The following MPDZ variants were observed in gnomAD, a reference collection of about 807,000 sequenced individuals.
The protein encoded by MPDZ is multiple PDZ domain crumbs cell polarity complex component.
Under a neutral mutation model 239.1 loss-of-function variants are expected in MPDZ, and 234 were observed. That is an observed-to-expected ratio of 0.98 (90% CI 0.88 to 1.09). The LOEUF is 1.09. MPDZ is among the 50% of genes least tolerant of loss of function. MPDZ has a pLI of 0.00. For missense variants in MPDZ, 3,175 were observed against 2,510.0 expected, an observed-to-expected ratio of 1.26 and a Z score of -5.66; for synonymous variants, 1,048 against 881.3, an observed-to-expected ratio of 1.19 and a Z score of -3.35.
intron 38 of MPDZ, among the ~76,000 whole-genome samples, chr9:13,121,037 T>A (rs1944264811): frequency 6.6e-6 from 1 of 152,234 alleles, no homozygotes; most frequent in African/African-American, 2.4e-5. Flanking sequence ...CACTTATAAA[T>A]GAGTTTGTTA....
Position 13,157,075 on chromosome 9 carries a change from C to T in MPDZ, c.3452+943G>A, listed in dbSNP as rs541484684. On this transcript the variant is annotated intron_variant, in intron 24 of 46. Transcript: ENST00000319217. Reference sequence around the variant, plus strand: ...TTTTAAAAATATTTAAATGTGATGGCTGCAGGTTATCACTGGTGGGCAGGG... The same window carrying T: ...TTTTAAAAATATTTAAATGTGATGGTTGCAGGTTATCACTGGTGGGCAGGG... 2.6e-5 allele frequency among the ~76,000 whole-genome samples: 4 copies of T among 152,240 alleles called. No homozygotes were observed. In the East Asian group the frequency reaches 7.7e-4, roughly 29 times the overall value.
At chr9:13,245,635 CAT>C (rs1377320986) in intron 3 of MPDZ, among the ~76,000 whole-genome samples, 2 of 152,126 alleles carry the variant, frequency 1.3e-5, no homozygotes, top group African/African-American at 4.8e-5. Flanking sequence ...AGACATGTCT[CAT>C]AGAATTCACA....
intron 19 of MPDZ, among the ~76,000 whole-genome samples, chr9:13,179,716 T>TC (rs1208711055): frequency 1.6e-4 from 25 of 152,298 alleles, no homozygotes; most frequent in African/African-American, 5.5e-4. Flanking sequence ...TATATTCTTG[T>TC]CCTCAGTAAA....
intron 3 of MPDZ, among the ~76,000 whole-genome samples, chr9:13,240,580 TAAAAAAAA>T (rs71331533): frequency 2.7e-4 from 12 of 44,010 alleles, no homozygotes; most frequent in Non-Finnish European, 3.9e-4. Context: ...ATAATAAAAG[TAAAAAAAA>T]AAAAAAAAAA....
chr9:13,244,251 T>C (rs566835157), intron 3 of MPDZ, among the ~76,000 whole-genome samples: 1 of 152,264 alleles, frequency 6.6e-6, no homozygotes, highest in African/African-American at 2.4e-5. Flanking sequence ...TCCAATATCC[T>C]CAAGGCTGAC....
In MPDZ at chr9:13,126,781, G is replaced by C; in HGVS notation, c.4465-9C>G. 6.2e-7 allele frequency: 1 copy of C among 1,610,576 alleles called. No individual in the cohort carries two copies. Among genetic ancestry groups the C allele is most frequent in the African/African-American group, 1.3e-5 (1 of 74,904 alleles). On this transcript the variant is annotated splice_polypyrimidine_tract_variant and intron_variant, in intron 32 of 46. Transcript: ENST00000319217. ...CCCAAACCCCCCTGATCCTAGAAAA[G>C]TAAAAACAAAAATGCTCAGAAGACT...
intron 13 of MPDZ, among the ~76,000 whole-genome samples, chr9:13,194,082 T>C (rs1019090989): frequency 2.8e-4 from 43 of 152,248 alleles, no homozygotes; most frequent in African/African-American, 9.9e-4. Context: ...CCTGAGAATG[T>C]CCCATCCAAT....
intron 39 of MPDZ, among the ~76,000 whole-genome samples, chr9:13,117,217 G>C (rs1004632772): frequency 1.3e-5 from 2 of 152,026 alleles, no homozygotes; most frequent in Non-Finnish European, 2.9e-5. Flanking sequence ...TGAAACCACA[G>C]GAAGAGAAAC....
intron 1 of MPDZ, among the ~76,000 whole-genome samples, chr9:13,263,386 T>C (rs901868957): frequency 6.6e-6 from 1 of 150,674 alleles, no homozygotes; most frequent in Non-Finnish European, 1.5e-5. Flanking sequence ...CTCCTTGTCC[T>C]TGTTTGGCAA....
intron 24 of MPDZ, among the ~76,000 whole-genome samples, chr9:13,155,618 G>A (rs540108774): frequency 6.6e-6 from 1 of 152,128 alleles, no homozygotes; most frequent in South Asian, 2.1e-4. Context: ...AAAATCACAT[G>A]CAAAATAAAA....
At position 13,109,883 on chromosome 9, in the gene MPDZ, A is replaced by G. The variant is rs1032623009; in HGVS notation, c.5942+69T>C. On this transcript the variant is annotated intron_variant, in intron 45 of 46. Transcript: ENST00000319217. ...TAATTCCTAGAAACATGGGACAGAG[A>G]ACGCAACTGTCAGGAAGACTTGATT... 2.5e-6 allele frequency: 3 copies of G among 1,209,984 alleles called. No individual in the cohort carries two copies. The African/African-American group carries it at 4.5e-5, about 18-fold the overall frequency. 75.0% of individuals were successfully genotyped at this position (1,209,984 alleles called of 1,614,324 possible).
intron 1 of MPDZ, among the ~76,000 whole-genome samples, chr9:13,257,567 G>A (rs1969733033): frequency 6.6e-6 from 1 of 152,166 alleles, no homozygotes; most frequent in Non-Finnish European, 1.5e-5. Context: ...AAGAAGAGGA[G>A]GGTAATTGCT....
In MPDZ at chr9:13,106,088, A is replaced by G. The variant is rs536299864; in HGVS notation, c.*877T>C. 2 of 152,308 alleles carry G rather than the reference A, an allele frequency of 1.3e-5. No individual in the cohort carries two copies. Among genetic ancestry groups the G allele is most frequent in the East Asian group, 3.9e-4 (2 of 5,188 alleles). 9.4% of individuals were successfully genotyped at this position (152,308 alleles called of 1,614,324 possible). On this transcript the variant is annotated 3_prime_UTR_variant, in exon 47 of 47. Transcript: ENST00000319217. ...AATATGAATTGAAAACCAATTGCAC[A>G]GCACACTAACACATTTTTAATGTTG...
In MPDZ at chr9:13,147,533, T is replaced by G; in HGVS notation, c.3741+15A>C. On this transcript the variant is annotated intron_variant, in intron 26 of 46. Transcript: ENST00000319217. ...CTGTTTGGATATGCCTACCTTGCCC[T>G]TTGTGTTCGCTTACCCTTGGTCTGT... is the stretch of plus-strand genomic sequence containing the variant. 1.3e-6 allele frequency: 2 copies of G among 1,596,618 alleles called. No individual in the cohort carries two copies. Among genetic ancestry groups the G allele is most frequent in the Non-Finnish European group, 1.7e-6 (2 of 1,164,794 alleles).
intron 10 of MPDZ, among the ~76,000 whole-genome samples, chr9:13,214,214 C>A (rs1198532299): frequency 6.6e-6 from 1 of 151,946 alleles, no homozygotes. Context: ...TATGGTATAT[C>A]CATATAAAGG....
At position 13,226,868 on chromosome 9, in the gene MPDZ, T is replaced by C. The variant is rs534293157; in HGVS notation, c.184-2285A>G. ...GGCAGAAAAAAAATGTTTATCTATT[T>C]TTTAAGGATCTAACTCTGATCCAAT... On this transcript the variant is annotated intron_variant, in intron 3 of 46. Coordinates refer to ENST00000319217, the MANE Select transcript of MPDZ (RefSeq NM_001378778.1). Among the ~76,000 whole-genome samples, 11 of 152,306 alleles carry C rather than the reference T, an allele frequency of 7.2e-5. No homozygotes were observed. In the South Asian group the frequency reaches 2.3e-3, roughly 32 times the overall value.
chr9:13,140,048 C>T lies in MPDZ; in HGVS notation c.3942G>A (p.Gln1314=). Residue 1314 remains glutamine (Q), a synonymous_variant, in exon 28 of 47, where the codon CAG becomes CAA. Coordinates refer to ENST00000319217, the MANE Select transcript of MPDZ (RefSeq NM_001378778.1). ...AFAEMGSDHT[Q]SSASKISQDV... is the part of the protein sequence containing the mutation. ...CTTGTGAGATTTTGCTTGCAGATGA[C>T]TGTGTGTGATCACTACCCATTTCGG... is the stretch of plus-strand genomic sequence containing the variant. 1 of 1,613,280 alleles carries T rather than the reference C, an allele frequency of 6.2e-7. No homozygotes were observed.
intron 3 of MPDZ, among the ~76,000 whole-genome samples, chr9:13,233,942 A>G (rs1021607050): frequency 3.9e-5 from 6 of 152,314 alleles, no homozygotes; most frequent in African/African-American, 1.2e-4. Context: ...TCCCATTCCC[A>G]GAAGGAGTCC....
chr9:13,174,361 TG>T (rs1952183946), intron 21 of MPDZ, among the ~76,000 whole-genome samples: 1 of 152,198 alleles, frequency 6.6e-6, no homozygotes, highest in Non-Finnish European at 1.5e-5. Context: ...TTAAAATAAA[TG>T]TTTGCTAGTT....
Sources: allele counts gnomAD v4.1 joint callset (sites outside exome capture counted in the v4.1 genomes callset), GRCh38; gene constraint gnomAD v4.1.1; transcripts MANE v1.5; gene names NCBI Gene and HGNC (gene_info 2026-07-23, HGNC 2026-07-21).